FILIP1L: variants seen among roughly 807,000 people sequenced by gnomAD.
FILIP1L encodes the protein filamin A interacting protein 1 like.
FILIP1L carries 55 observed loss-of-function variants against 96.6 expected under a neutral mutation model. The observed-to-expected ratio is 0.57, with a 90% CI of 0.46 to 0.71. The LOEUF (loss-of-function observed/expected upper bound fraction) is 0.71, where lower values mean the gene tolerates loss of function less well. Ranked by LOEUF, FILIP1L falls within the 30% of genes least tolerant of loss-of-function variation. FILIP1L has a pLI of 0.00. For synonymous variants in FILIP1L, 467 were observed against 473.9 expected, an observed-to-expected ratio of 0.99 and a Z score of 0.19; for missense variants, 1,304 against 1,321.2, an observed-to-expected ratio of 0.99 and a Z score of 0.20.
chr3:99,842,914 T>C (rs765217307), intron 5 of FILIP1L, among the ~76,000 whole-genome samples: 3 of 152,222 alleles, frequency 2.0e-5, no homozygotes, highest in Non-Finnish European at 4.4e-5. Flanking sequence ...TCAAGATTCC[T>C]TACCCTACAG....
intron 5 of FILIP1L, among the ~76,000 whole-genome samples, chr3:99,843,909 G>A (rs994055947): frequency 1.3e-5 from 2 of 152,156 alleles, no homozygotes; most frequent in African/African-American, 2.4e-5. Context: ...CACATGCGAG[G>A]GGTCTAGGCT....
intron 1 of FILIP1L, among the ~76,000 whole-genome samples, chr3:99,976,313 AT>A (rs1559710717): frequency 6.6e-6 from 1 of 152,218 alleles, no homozygotes; most frequent in Admixed American, 6.5e-5. Flanking sequence ...TTATAACCAA[AT>A]AATTATATAG....
chr3:99,895,324 C>T (rs1405925570), intron 4 of FILIP1L, among the ~76,000 whole-genome samples: 1 of 151,902 alleles, frequency 6.6e-6, no homozygotes, highest in African/African-American at 2.4e-5. Flanking sequence ...AATCATAATC[C>T]AACTAGCTTT....
intron 5 of FILIP1L, among the ~76,000 whole-genome samples, chr3:99,843,706 A>G (rs548383340): frequency 1.3e-5 from 2 of 152,292 alleles, no homozygotes; most frequent in East Asian, 3.9e-4. Flanking sequence ...TTGTCTAGCA[A>G]CACAGCACAC....
At chr3:99,983,420 G>A (rs9879643) in intron 1 of FILIP1L, among the ~76,000 whole-genome samples, 2,417 of 58,602 alleles carry the variant, frequency 0.041, 122 homozygotes, top group African/African-American at 0.075. Context: ...ATATATATAT[G>A]TATGTATGTA....
rs148431761 is a variant in FILIP1L, at chr3:100,062,407, G to A, written c.-11+51646C>T. On this transcript the variant is annotated intron_variant, in intron 1 of 5. Transcript: ENST00000477258. ...ATTACAGGTGTGAGCCACCGCGCCC[G>A]GTCTATCCTGTCTTCTTTTAACAGA... is the stretch of plus-strand genomic sequence containing the variant. Among the ~76,000 whole-genome samples, 911 of 151,972 alleles carry A rather than the reference G, an allele frequency of 6.0e-3. 4 individuals are homozygous for A. Among genetic ancestry groups the A allele is most frequent in the African/African-American group, 0.021 (863 of 41,426 alleles).
At chr3:99,869,941 A>T (rs940250879) in intron 4 of FILIP1L, among the ~76,000 whole-genome samples, 1 of 152,240 alleles carries the variant, frequency 6.6e-6, no homozygotes, top group Non-Finnish European at 1.5e-5. Context: ...AGTGATTTGG[A>T]GCTCTCACAG....
intron 4 of FILIP1L, among the ~76,000 whole-genome samples, chr3:99,882,873 G>A (rs753513047): frequency 6.6e-6 from 1 of 152,126 alleles, no homozygotes; most frequent in Non-Finnish European, 1.5e-5. Context: ...GTTTTAAATT[G>A]GAGATTTATA....
rs576808286 is a variant in FILIP1L, at chr3:99,899,394, A to G, written c.605+24836T>C. On this transcript the variant is annotated intron_variant, in intron 4 of 5. Transcript: ENST00000477258. The stretch of plus-strand genomic sequence containing the variant: ...CATAACTAATGCACTAGAGTTAAAA[A>G]TGGAAATCTCATATTTTAAGATCAT... 9.8e-5 allele frequency among the ~76,000 whole-genome samples: 15 copies of G among 152,314 alleles called. No homozygotes were observed. In the South Asian group the frequency reaches 2.5e-3, roughly 25 times the overall value.
chr3:99,853,321 G>A (rs958771459), intron 4 of FILIP1L, among the ~76,000 whole-genome samples: 8 of 152,202 alleles, frequency 5.3e-5, no homozygotes, highest in Admixed American at 3.3e-4. Flanking sequence ...CTACACCACA[G>A]TTCTTACAGT....
chr3:100,075,806 G>A (rs1409723445), intron 1 of FILIP1L, among the ~76,000 whole-genome samples: 2 of 151,926 alleles, frequency 1.3e-5, no homozygotes, highest in Admixed American at 1.3e-4. Context: ...GACTGACCTG[G>A]GGCAATTTAT....
intron 1 of FILIP1L, among the ~76,000 whole-genome samples, chr3:100,051,979 T>C (rs946103176): frequency 6.6e-6 from 1 of 150,384 alleles, no homozygotes; most frequent in African/African-American, 2.4e-5. Flanking sequence ...TATACATAAA[T>C]ATAAATGTGA....
intron 4 of FILIP1L, among the ~76,000 whole-genome samples, chr3:99,910,790 C>T (rs1706763342): frequency 6.6e-6 from 1 of 151,982 alleles, no homozygotes; most frequent in South Asian, 2.1e-4. Flanking sequence ...TATTTATGCC[C>T]ATTTTATAGA....
intron 1 of FILIP1L, among the ~76,000 whole-genome samples, chr3:100,065,076 T>C (rs16841920): frequency 0.02 from 3,022 of 152,282 alleles, 79 homozygotes; most frequent in East Asian, 0.13. Context: ...GATTGTAAAC[T>C]ATGAGCCCAA....
At chr3:99,846,183 A>G (rs1281106504) in intron 5 of FILIP1L, among the ~76,000 whole-genome samples, 1 of 152,102 alleles carries the variant, frequency 6.6e-6, no homozygotes, top group African/African-American at 2.4e-5. Flanking sequence ...TGGGACAGCC[A>G]AGAGGAACCT....
intron 1 of FILIP1L, among the ~76,000 whole-genome samples, chr3:99,989,677 TATA>T (rs1369430251): frequency 2.1e-5 from 3 of 142,822 alleles, no homozygotes; most frequent in East Asian, 2.0e-4. Context: ...TATATATATA[TATA>T]TATATTTTTT....
chr3:100,109,551 T>TC (rs1392577313), intron 1 of FILIP1L, among the ~76,000 whole-genome samples: 3 of 152,142 alleles, frequency 2.0e-5, no homozygotes, highest in Non-Finnish European at 4.4e-5. Context: ...GGGGGTTTTT[T>TC]CCCACAATGT....
chr3:100,085,862 A>G (rs997161994), intron 1 of FILIP1L, among the ~76,000 whole-genome samples: 6 of 152,194 alleles, frequency 3.9e-5, no homozygotes, highest in Non-Finnish European at 8.8e-5. Context: ...AGGTGGTTAC[A>G]TTTTCATGAA....
intron 1 of FILIP1L, among the ~76,000 whole-genome samples, chr3:100,063,988 A>C (rs545045876): frequency 2.0e-5 from 3 of 152,334 alleles, no homozygotes; most frequent in Admixed American, 2.0e-4. Flanking sequence ...GAATGTTCAC[A>C]CTTAAGGTTG....
Sources: gnomAD v4.1 joint callset for allele counts (sites outside exome capture counted in the v4.1 genomes callset) on GRCh38, gnomAD v4.1.1 for gene constraint, MANE v1.5 for transcripts, NCBI Gene and HGNC (gene_info 2026-07-23, HGNC 2026-07-21) for gene names.